Variants in ABR observed in about 807,000 individuals in gnomAD.
ABR encodes the protein ABR activator of RhoGEF and GTPase, also known as active breakpoint cluster region-related protein.
A neutral mutation model predicts 107.2 loss-of-function variants in ABR; 35 were observed. That is an observed-to-expected ratio of 0.33 (90% CI 0.25 to 0.43). ABR has a LOEUF of 0.43. ABR is among the 20% of genes least tolerant of loss of function. The pLI, the probability that ABR is intolerant of heterozygous loss-of-function variation, is 1.00. For missense variants in ABR, 815 were observed against 1,115.2 expected (o/e 0.73, Z 3.83); for synonymous variants, 498 against 462.0 (o/e 1.08, Z -1.00).
intron 5 of ABR, among the ~76,000 whole-genome samples, chr17:1,080,555 T>C (rs1396810139): frequency 6.6e-6 from 1 of 151,686 alleles, no homozygotes; most frequent in Non-Finnish European, 1.5e-5. Context: ...GCCCAGGTGA[T>C]GAGGCCAGGG....
At position 1,148,363 on chromosome 17, in the gene ABR, T is replaced by C. The variant is rs1284104878; in HGVS notation, c.62-22996A>G. On this transcript the variant is annotated intron_variant, in intron 1 of 22. Coordinates refer to ENST00000302538, the MANE Select transcript of ABR (RefSeq NM_021962.5). The surrounding 1 kb of genome is among the most constrained non-coding windows in gnomAD (Gnocchi z 4.9). Reference sequence around the variant, plus strand: ...AAAGGCAAATACCACATGATTCCACTCGGATGAGGTGCTTAGAGCAGTTAG... The same window carrying C: ...AAAGGCAAATACCACATGATTCCACCCGGATGAGGTGCTTAGAGCAGTTAG... Among the ~76,000 whole-genome samples, 1 of 152,162 alleles carries C rather than the reference T, an allele frequency of 6.6e-6. No homozygotes were observed. The highest frequency in any genetic ancestry group is 1.5e-5 in the Non-Finnish European group (1 of 68,030).
chr17:1,050,449 C>T lies in ABR; in HGVS notation c.1659+88G>A. 7.8e-7 allele frequency: 1 copy of T among 1,285,964 alleles called. No individual in the cohort carries two copies. Among genetic ancestry groups the T allele is most frequent in the Non-Finnish European group, 1.1e-6 (1 of 884,312 alleles). 79.7% of individuals were successfully genotyped at this position (1,285,964 alleles called of 1,614,324 possible). A position where few individuals can be genotyped will look rare whatever the true frequency, so the allele number is the denominator to read the frequency against. ...AAAGGGGGGTGCAGACATAGCTGGT[C>T]CAACCAATGGGCTGGCCGTCCCCAG... On this transcript the variant is annotated intron_variant, in intron 15 of 22. Coordinates refer to ENST00000302538, the MANE Select transcript of ABR (RefSeq NM_021962.5). The surrounding 1 kb of genome is among the most constrained non-coding windows in gnomAD (Gnocchi z 4.6).
chr17:1,218,679 C>T (rs1173566914), intron 1 of ABR, among the ~76,000 whole-genome samples: 2 of 152,168 alleles, frequency 1.3e-5, no homozygotes, highest in Non-Finnish European at 2.9e-5. Context: ...ATGCCAAAAC[C>T]ATCTCATTAT....
At chr17:1,022,484 C>G (rs1327365023) in intron 16 of ABR, 1 of 154,184 alleles carries the variant, frequency 6.5e-6, no homozygotes, top group Non-Finnish European at 1.5e-5. Context: ...GACCCTGCCT[C>G]TCCTCCCTCG....
intron 16 of ABR, among the ~76,000 whole-genome samples, chr17:1,013,663 T>G (rs2150750251): frequency 6.6e-6 from 1 of 152,376 alleles, no homozygotes; most frequent in South Asian, 2.1e-4. Context: ...CTGCCTGGGT[T>G]TGAATCCTGG....
chr17:1,201,200 G>C (rs1442898608), intron 1 of ABR, among the ~76,000 whole-genome samples: 1 of 152,206 alleles, frequency 6.6e-6, no homozygotes, highest in African/African-American at 2.4e-5. Context: ...CGGTGTCCAC[G>C]AGGCTGCTGC....
intron 1 of ABR, among the ~76,000 whole-genome samples, chr17:1,164,729 T>C (rs1011951508): frequency 2.6e-5 from 4 of 152,078 alleles, no homozygotes; most frequent in African/African-American, 7.2e-5. Flanking sequence ...TGCAGAGGCA[T>C]GATCTCAGCT....
At chr17:1,135,383 T>C (rs1015245320) in intron 1 of ABR, among the ~76,000 whole-genome samples, 1 of 150,340 alleles carries the variant, frequency 6.7e-6, no homozygotes, top group East Asian at 1.9e-4. Flanking sequence ...TTGTCTTTTT[T>C]TTTTTTTTTT....
rs560568127 is a variant in ABR at position 1,050,083 on chromosome 17, G to A, written c.1758C>T (p.Ile586=). The change falls in exon 16 of 23, where the codon ATC becomes ATT. Residue 586 remains isoleucine, a synonymous_variant. Coordinates refer to ENST00000302538, the MANE Select transcript of ABR (RefSeq NM_021962.5). The surrounding 1 kb of genome is among the most constrained non-coding windows in gnomAD (Gnocchi z 4.6). ...GTCCTTTGCCCATGATCTTGTCCAC[G>A]ATCTCATTGTTGTCCTTGTTGACCT... The part of the protein sequence containing the change: ...KTKVNKDNNE[I]VDKIMGKGQI... The A allele has an allele frequency of 9.3e-6, 15 of 1,614,084 alleles. No homozygotes were observed. Among genetic ancestry groups the A allele is most frequent in the East Asian group, 6.7e-5 (3 of 44,888 alleles).
In ABR at chr17:1,007,428, GTC is replaced by G. The variant is rs2070140442; in HGVS notation, c.2343-118_2343-117del. Reference sequence around the variant, plus strand: ...AAGGACTCCTGGAAGGGGTCACCTCGTCTCTGTCTCCTAGGAGTGGGGACCTC... The same window carrying G: ...AAGGACTCCTGGAAGGGGTCACCTCGTCTGTCTCCTAGGAGTGGGGACCTC... On this transcript the variant is annotated intron_variant, in intron 21 of 22. Transcript: ENST00000302538. 6.3e-6 allele frequency: 8 copies of G among 1,271,422 alleles called. No homozygotes were observed. The South Asian group carries it at 1.1e-4, about 18-fold the overall frequency. The allele number at this position is 1,271,422 out of a possible 1,614,324, so 78.8% of individuals were successfully genotyped here. A position where few individuals can be genotyped will look rare whatever the true frequency, so the allele number is the denominator to read the frequency against.
rs373190970 is a variant in ABR, at chr17:1,043,645, C to T, written c.1791+6405G>A. On this transcript the variant is annotated intron_variant, in intron 16 of 22. Coordinates refer to ENST00000302538, the MANE Select transcript of ABR (RefSeq NM_021962.5). ...TCCCAAGTAGTCCACAGCTACACCA[C>T]GTGAGCTACTATGCCTGGCTTCTAC... 1.7e-3 allele frequency among the ~76,000 whole-genome samples: 265 copies of T among 152,330 alleles called. 2 individuals are homozygous for T. Among genetic ancestry groups the T allele is most frequent in the Middle Eastern group, 3.4e-3 (1 of 294 alleles).
intron 16 of ABR, among the ~76,000 whole-genome samples, chr17:1,033,965 T>G (rs777915360): frequency 2.1e-4 from 30 of 139,740 alleles, no homozygotes; most frequent in Middle Eastern, 3.6e-3. Flanking sequence ...GTCCCACTCA[T>G]GTCATTTTTT....
intron 21 of ABR, 142 bp from the exon 22 acceptor site, chr17:1,007,454 T>C: frequency 2.0e-6 from 2 of 986,206 alleles, no homozygotes; most frequent in Non-Finnish European, 2.9e-6. Context: ...AGTGGGGACC[T>C]CCCCCGGGGG....
intron 2 of ABR, among the ~76,000 whole-genome samples, chr17:1,101,733 TC>T (rs1407936811): frequency 3.3e-5 from 5 of 151,824 alleles, no homozygotes; most frequent in Admixed American, 6.6e-5. Flanking sequence ...ATTTATTTTT[TC>T]TTTTTTTTTT....
chr17:1,149,106 T>C (rs1018735437), intron 1 of ABR, among the ~76,000 whole-genome samples: 6 of 151,996 alleles, frequency 3.9e-5, no homozygotes, highest in African/African-American at 1.2e-4. Flanking sequence ...GGTTTCACCG[T>C]GTTAGCCGGG....
chr17:1,208,869 G>A (rs1262116493), intron 1 of ABR, among the ~76,000 whole-genome samples: 1 of 147,854 alleles, frequency 6.8e-6, no homozygotes, highest in African/African-American at 2.6e-5. Flanking sequence ...GCCTGGGTGA[G>A]AGTGTGAGAC....
rs1342611798 is a variant in ABR at position 1,078,011 on chromosome 17, G to C, written c.700+1319C>G. On this transcript the variant is annotated intron_variant, in intron 6 of 22. Coordinates refer to ENST00000302538, the MANE Select transcript of ABR (RefSeq NM_021962.5). The surrounding 1 kb of genome is among the most constrained non-coding windows in gnomAD (Gnocchi z 7.5). ...TCCTCCTACGACCGACAGTCGTGTT[G>C]ATGACATGCACCTGTCCCGGGACTT... Among the ~76,000 whole-genome samples, 1 of 138,950 alleles carries C rather than the reference G, an allele frequency of 7.2e-6. No individual in the cohort carries two copies. The highest frequency in any genetic ancestry group is 1.5e-5 in the Non-Finnish European group (1 of 64,914). 91.2% of individuals were successfully genotyped at this position (138,950 alleles called of 152,430 possible). A position where few individuals can be genotyped will look rare whatever the true frequency, so the allele number is the denominator to read the frequency against.
intron 16 of ABR, 154 bp from the exon 17 acceptor site, chr17:1,013,318 T>C (rs895775525): frequency 5.1e-6 from 4 of 781,630 alleles, no homozygotes; most frequent in Middle Eastern, 2.6e-4. Context: ...AATCAACCCT[T>C]TGGGGGGACC....
At chr17:1,113,310 G>A (rs1178032689) in intron 2 of ABR, among the ~76,000 whole-genome samples, 4 of 108,468 alleles carry the variant, frequency 3.7e-5, no homozygotes, top group East Asian at 3.1e-4. Flanking sequence ...TTTTTGAGAC[G>A]GAGTCTCGCT....
Sources: gnomAD v4.1 joint callset for allele counts (sites outside exome capture counted in the v4.1 genomes callset) on GRCh38, gnomAD v4.1.1 for gene constraint, Gnocchi (gnomAD v3.1) non-coding constraint, MANE v1.5 for transcripts, NCBI Gene and HGNC (gene_info 2026-07-23, HGNC 2026-07-21) for gene names.